The following FOXJ3 variants were observed in gnomAD, a reference collection of about 807,000 sequenced individuals.
The protein encoded by FOXJ3 is forkhead box J3, also known as forkhead box protein J3.
A neutral mutation model predicts 76.1 loss-of-function variants in FOXJ3; 22 were observed. The observed-to-expected ratio is 0.29, with a 90% CI of 0.21 to 0.41. The LOEUF is 0.41. Ranked by LOEUF, FOXJ3 falls within the 10% of genes least tolerant of loss-of-function variation. FOXJ3 has a pLI of 1.00. For synonymous variants in FOXJ3, 269 were observed against 261.2 expected, an observed-to-expected ratio of 1.03 and a Z score of -0.29; for missense variants, 613 against 762.1, an observed-to-expected ratio of 0.80 and a Z score of 2.30.
At chr1:42,228,132 T>C (rs1238961348) in intron 4 of FOXJ3, among the ~76,000 whole-genome samples, 166 bp from the exon 5 acceptor site, 1 of 152,038 alleles carries the variant, frequency 6.6e-6, no homozygotes, top group African/African-American at 2.4e-5. Context: ...TAAGAAAATA[T>C]ATCCACTTAT....
At chr1:42,319,651 A>G (rs1655322133) in intron 1 of FOXJ3, among the ~76,000 whole-genome samples, 1 of 152,170 alleles carries the variant, frequency 6.6e-6, no homozygotes, top group Non-Finnish European at 1.5e-5. Flanking sequence ...AACTAGATGA[A>G]CTGTATGGTA....
intron 5 of FOXJ3, among the ~76,000 whole-genome samples, chr1:42,217,185 T>C (rs577206054): frequency 2.6e-5 from 4 of 152,200 alleles, no homozygotes; most frequent in South Asian, 2.1e-4. Context: ...ATACAAAAAT[T>C]AATTATATTT....
At chr1:42,306,298 C>CTTTCTTTTTT (rs1654461069) in intron 2 of FOXJ3, among the ~76,000 whole-genome samples, 1 of 81,692 alleles carries the variant, frequency 1.2e-5, no homozygotes, top group African/African-American at 4.5e-5. Context: ...GAACTTTTTT[C>CTTTCTTTTTT]TTTTTTTTTT....
chr1:42,278,780 T>C, intron 2 of FOXJ3, 108 bp from the exon 3 acceptor site: 3 of 756,028 alleles, frequency 4.0e-6, no homozygotes, highest in Non-Finnish European at 6.5e-6. Flanking sequence ...AAGCCTGAGT[T>C]ACATCTGGAG....
At chr1:42,217,127 G>A (rs1467941814) in intron 5 of FOXJ3, among the ~76,000 whole-genome samples, 1 of 152,146 alleles carries the variant, frequency 6.6e-6, no homozygotes, top group Non-Finnish European at 1.5e-5. Flanking sequence ...ATCGCAAGAG[G>A]CATCTTCAAA....
At chr1:42,181,578 C>CT (rs1646319705) in intron 12 of FOXJ3, among the ~76,000 whole-genome samples, 1 of 152,162 alleles carries the variant, frequency 6.6e-6, no homozygotes, top group Non-Finnish European at 1.5e-5. Context: ...GCATCTTGGG[C>CT]TAATAAGGAC....
intron 2 of FOXJ3, 31 bp from the exon 3 acceptor site, chr1:42,278,703 C>G: frequency 6.8e-7 from 1 of 1,468,406 alleles, no homozygotes; most frequent in Non-Finnish European, 9.4e-7. Flanking sequence ...TAGTCAATAT[C>G]AAGGAAAGAA....
intron 5 of FOXJ3, among the ~76,000 whole-genome samples, chr1:42,207,358 C>G (rs1055197169): frequency 5.9e-5 from 9 of 152,060 alleles, no homozygotes; most frequent in African/African-American, 1.7e-4. Flanking sequence ...TGAACGATCC[C>G]CTAAATATAC....
intron 5 of FOXJ3, among the ~76,000 whole-genome samples, chr1:42,214,932 A>T (rs1432325802): frequency 6.6e-6 from 1 of 152,264 alleles, no homozygotes; most frequent in Middle Eastern, 3.2e-3. Context: ...TTAAGGATCA[A>T]ATTGAAATTG....
At chr1:42,217,511 G>C (rs1397351614) in intron 5 of FOXJ3, among the ~76,000 whole-genome samples, 2 of 151,894 alleles carry the variant, frequency 1.3e-5, no homozygotes, top group Non-Finnish European at 2.9e-5. Context: ...CCTGGCGACA[G>C]GGCAAGACTC....
chr1:42,235,298 T>C (rs1225563609), intron 4 of FOXJ3, among the ~76,000 whole-genome samples: 1 of 152,228 alleles, frequency 6.6e-6, no homozygotes, highest in African/African-American at 2.4e-5. Context: ...AGGTGCTGTC[T>C]GTCATCCCTT....
At chr1:42,306,778 GT>G (rs1323900377) in intron 2 of FOXJ3, among the ~76,000 whole-genome samples, 1 of 152,122 alleles carries the variant, frequency 6.6e-6, no homozygotes, top group Non-Finnish European at 1.5e-5. Flanking sequence ...ATTTCACAGT[GT>G]TTAAAAAACT....
chr1:42,240,490 T>G (rs1419590282), intron 4 of FOXJ3, among the ~76,000 whole-genome samples: 1 of 152,212 alleles, frequency 6.6e-6, no homozygotes, highest in South Asian at 2.1e-4. Context: ...CAGAACAGTG[T>G]GATGCTGGCA....
chr1:42,330,642 AAAAC>A lies in FOXJ3; in HGVS notation c.-18+4413_-18+4416del, dbSNP rs1317702350. 4.6e-5 allele frequency among the ~76,000 whole-genome samples: 7 copies of A among 152,300 alleles called. No individual in the cohort carries two copies. The South Asian group carries it at 1.0e-3, about 23-fold the overall frequency. ...AAGAGTGAGACCCTGTCTCAAAAAC[AAAAC>A]AAACAAACAAAAAAAAACAGTGATT... On this transcript the variant is annotated intron_variant, in intron 1 of 12. Coordinates refer to ENST00000361346, the MANE Select transcript of FOXJ3 (RefSeq NM_014947.5).
chr1:42,259,759 C>T (rs1439582208), intron 4 of FOXJ3, among the ~76,000 whole-genome samples: 1 of 152,186 alleles, frequency 6.6e-6, no homozygotes, highest in African/African-American at 2.4e-5. Flanking sequence ...TTGGATCTCA[C>T]GTTAGTACTT....
At chr1:42,223,374 T>C (rs1036882705) in intron 5 of FOXJ3, among the ~76,000 whole-genome samples, 4 of 152,232 alleles carry the variant, frequency 2.6e-5, no homozygotes, top group Admixed American at 2.0e-4. Context: ...GTAAAAGTCC[T>C]GATCTCATAA....
At chr1:42,199,724 T>C (rs1205823240) in intron 6 of FOXJ3, among the ~76,000 whole-genome samples, 1 of 151,824 alleles carries the variant, frequency 6.6e-6, no homozygotes, top group Non-Finnish European at 1.5e-5. Context: ...ATCATAATTA[T>C]ATGATCTAAC....
At chr1:42,256,349 G>A (rs945884762) in intron 4 of FOXJ3, among the ~76,000 whole-genome samples, 28 of 152,136 alleles carry the variant, frequency 1.8e-4, no homozygotes, top group African/African-American at 6.5e-4. Flanking sequence ...CTTGTATCCA[G>A]AATATATTTT....
intron 2 of FOXJ3, among the ~76,000 whole-genome samples, chr1:42,288,604 T>A (rs551926365): frequency 1.6e-4 from 25 of 152,366 alleles, no homozygotes; most frequent in Admixed American, 9.1e-4. Flanking sequence ...CTATATGTGG[T>A]GTTTATGGAT....
Sources: allele counts gnomAD v4.1 joint callset (sites outside exome capture counted in the v4.1 genomes callset), GRCh38; gene constraint gnomAD v4.1.1; transcripts MANE v1.5; gene names NCBI Gene and HGNC (gene_info 2026-07-23, HGNC 2026-07-21).